Variants in RAPGEF2 observed in about 807,000 individuals in gnomAD.
The protein encoded by RAPGEF2 is Rap guanine nucleotide exchange factor 2.
RAPGEF2 carries 54 observed loss-of-function variants against 186.7 expected under a neutral mutation model. The ratio of observed to expected loss-of-function variants is 0.29; its 90% CI spans 0.23 to 0.36. The LOEUF (loss-of-function observed/expected upper bound fraction) is 0.36, where lower values mean the gene tolerates loss of function less well. RAPGEF2 is among the 10% of genes least tolerant of loss of function. The pLI is 1.00. For synonymous variants in RAPGEF2, 712 were observed against 705.9 expected, an observed-to-expected ratio of 1.01 and a Z score of -0.14; for missense variants, 1,532 against 2,045.0, an observed-to-expected ratio of 0.75 and a Z score of 4.84.
At chr4:159,261,585 A>G (rs1756885965) in intron 7 of RAPGEF2, among the ~76,000 whole-genome samples, 1 of 152,142 alleles carries the variant, frequency 6.6e-6, no homozygotes, top group Non-Finnish European at 1.5e-5. Context: ...CCACCCTTTA[A>G]TCCTCTTCTT....
At chr4:159,208,584 C>A (rs546097829) in intron 3 of RAPGEF2, among the ~76,000 whole-genome samples, 1 of 152,164 alleles carries the variant, frequency 6.6e-6, no homozygotes, top group Non-Finnish European at 1.5e-5. Flanking sequence ...AAACATCTTA[C>A]CAGTCTTGGA....
chr4:159,142,513 G>T (rs1317233), intron 1 of RAPGEF2, among the ~76,000 whole-genome samples: 2,287 of 142,850 alleles, frequency 0.016, 70 homozygotes, highest in African/African-American at 0.054. Context: ...ATACTTCATG[G>T]TTTTTTTTTT....
intron 1 of RAPGEF2, among the ~76,000 whole-genome samples, chr4:159,159,176 C>T (rs1459294714): frequency 5.9e-5 from 9 of 152,212 alleles, no homozygotes; most frequent in Non-Finnish European, 8.8e-5. Flanking sequence ...TTGCAGCGCC[C>T]GTCCACAGTG....
At chr4:159,235,258 A>T (rs1753122404) in intron 4 of RAPGEF2, among the ~76,000 whole-genome samples, 1 of 152,166 alleles carries the variant, frequency 6.6e-6, no homozygotes, top group Non-Finnish European at 1.5e-5. Context: ...TGTGTCCATC[A>T]TTTCAAAGTT....
intron 3 of RAPGEF2, among the ~76,000 whole-genome samples, chr4:159,194,941 C>T (rs1421829617): frequency 6.6e-6 from 1 of 152,002 alleles, no homozygotes; most frequent in East Asian, 1.9e-4. Flanking sequence ...CAGTTACAGC[C>T]ATCTGAGGTG....
intron 1 of RAPGEF2, among the ~76,000 whole-genome samples, chr4:159,164,432 G>C (rs1363651278): frequency 4.0e-5 from 6 of 151,728 alleles, no homozygotes; most frequent in Non-Finnish European, 8.8e-5. Flanking sequence ...TTTTGGATTT[G>C]AAAATTCTAC....
intron 25 of RAPGEF2, among the ~76,000 whole-genome samples, chr4:159,349,219 A>G (rs1322524756): frequency 1.3e-5 from 2 of 152,248 alleles, no homozygotes; most frequent in African/African-American, 4.8e-5. Flanking sequence ...AAACAATATC[A>G]GACTGCTTAC....
intron 3 of RAPGEF2, among the ~76,000 whole-genome samples, chr4:159,200,287 G>A: frequency 1.3e-5 from 2 of 151,870 alleles, no homozygotes; most frequent in Non-Finnish European, 2.9e-5. Flanking sequence ...GGACAAAATG[G>A]CACGACCCTA....
At chr4:159,314,904 T>C in intron 9 of RAPGEF2, 136 bp downstream of exon 9, 2 of 822,716 alleles carry the variant, frequency 2.4e-6, no homozygotes, top group Non-Finnish European at 3.5e-6. Context: ...TAAACAGTAG[T>C]ATTTGTTGGA....
At chr4:159,330,279 G>GTGTGTGTGTGTGTGTGTGTC in intron 12 of RAPGEF2, 55 bp from the exon 13 acceptor site, 1 of 835,030 alleles carries the variant, frequency 1.2e-6, no homozygotes. Flanking sequence ...GTGTGTGTGT[G>GTGTGTGTGTGTGTGTGTGTC]TGTGTGTGTG....
At chr4:159,320,998 C>G (rs1175486795) in intron 9 of RAPGEF2, among the ~76,000 whole-genome samples, 4 of 152,000 alleles carry the variant, frequency 2.6e-5, no homozygotes, top group Non-Finnish European at 4.4e-5. Flanking sequence ...GCATTTTATT[C>G]TCACAGCTAT....
chr4:159,239,818 GA>G (rs1227490283), intron 5 of RAPGEF2, among the ~76,000 whole-genome samples: 1 of 152,162 alleles, frequency 6.6e-6, no homozygotes, highest in Non-Finnish European at 1.5e-5. Context: ...TCTAAATAAA[GA>G]TGATGATGGA....
At chr4:159,302,645 T>A (rs1190209652) in intron 7 of RAPGEF2, among the ~76,000 whole-genome samples, 1 of 152,228 alleles carries the variant, frequency 6.6e-6, no homozygotes, top group African/African-American at 2.4e-5. Context: ...GAATTGTTCC[T>A]GAAGAAGTCC....
chr4:159,199,752 C>T (rs927468866), intron 3 of RAPGEF2, among the ~76,000 whole-genome samples: 2 of 152,034 alleles, frequency 1.3e-5, no homozygotes, highest in African/African-American at 4.8e-5. Flanking sequence ...TGTTGGGACT[C>T]CTATAGTGAA....
chr4:159,172,029 A>T (rs1451422648), intron 1 of RAPGEF2, among the ~76,000 whole-genome samples: 9 of 152,034 alleles, frequency 5.9e-5, no homozygotes, highest in African/African-American at 9.6e-5. Flanking sequence ...ATGACATTAT[A>T]AAAAAAAGGG....
In RAPGEF2 at chr4:159,167,191, GT is replaced by G. The variant is rs530878052; in HGVS notation, c.70-19447del. On this transcript the variant is annotated intron_variant, in intron 1 of 29. Transcript: ENST00000691494. ...CTACTAAGTTGAAAACTCCTACGTG[GT>G]TTTCACTGGAATAGCTGGGACACTG... 2.0e-5 allele frequency among the ~76,000 whole-genome samples: 3 copies of G among 152,332 alleles called. 1 individual carries two copies. The highest frequency in any genetic ancestry group is 4.1e-4 in the South Asian group (2 of 4,830).
intron 7 of RAPGEF2, among the ~76,000 whole-genome samples, chr4:159,263,840 T>C (rs922202476): frequency 1.3e-5 from 2 of 152,170 alleles, no homozygotes; most frequent in African/African-American, 4.8e-5. Flanking sequence ...AAGAATATAA[T>C]GATATTAAAT....
At chr4:159,151,002 G>A (rs1180051930) in intron 1 of RAPGEF2, among the ~76,000 whole-genome samples, 2 of 152,238 alleles carry the variant, frequency 1.3e-5, no homozygotes, top group African/African-American at 4.8e-5. Flanking sequence ...GATTGGAGGA[G>A]TGAGTAGAGC....
chr4:159,341,844 G>A lies in RAPGEF2; in HGVS notation c.2815G>A (p.Glu939Lys). The stretch of plus-strand genomic sequence containing the variant: ...TTGGGTAGCATCTGAAATTCTCAGA[G>A]AAACAAACCAGCTGAAGAGGATGAA... ...TFWVASEILR[E>K]TNQLKRMKII... Residue 939 changes from glutamate (E) to lysine (K), a missense_variant, in exon 20 of 30, where the codon GAA (glutamate) becomes AAA (lysine). This residue lies in a region of RAPGEF2 where 810 missense variants were observed against 1,210.5 expected (regional missense o/e 0.67). Coordinates refer to ENST00000691494, the MANE Select transcript of RAPGEF2 (RefSeq NM_001394067.2). 1.2e-6 allele frequency: 2 copies of A among 1,613,644 alleles called. No homozygotes were observed. Among genetic ancestry groups the A allele is most frequent in the Non-Finnish European group, 1.7e-6 (2 of 1,179,856 alleles).
Sources: allele counts gnomAD v4.1 joint callset (sites outside exome capture counted in the v4.1 genomes callset), GRCh38; gene constraint gnomAD v4.1.1; regional missense constraint gnomAD v4.1.1; transcripts MANE v1.5; gene names NCBI Gene and HGNC (gene_info 2026-07-23, HGNC 2026-07-21).